Variants in GALNT13 observed in about 807,000 individuals in gnomAD.
GALNT13 encodes polypeptide N-acetylgalactosaminyltransferase 13, also known as UDP-GalNAc:polypeptide N-acetylgalactosaminyltransferase 13.
Under a neutral mutation model 64.2 loss-of-function variants are expected in GALNT13, and 28 were observed. The ratio of observed to expected loss-of-function variants is 0.44; its 90% CI spans 0.32 to 0.60. GALNT13 has a LOEUF of 0.60. GALNT13 is among the 20% of genes least tolerant of loss of function. The probability of loss-of-function intolerance (pLI) is 0.05; values close to 1 mark genes in which losing one functional copy is unlikely to be tolerated. For synonymous variants in GALNT13, 214 were observed against 224.6 expected, an observed-to-expected ratio of 0.95 and a Z score of 0.42; for missense variants, 577 against 669.8, an observed-to-expected ratio of 0.86 and a Z score of 1.53.
At chr2:154,299,752 C>T (rs953294207) in intron 8 of GALNT13, among the ~76,000 whole-genome samples, 1 of 151,928 alleles carries the variant, frequency 6.6e-6, no homozygotes, top group Admixed American at 6.6e-5. Context: ...CGTGAGCCAC[C>T]GCGCCCGGCC....
chr2:154,359,057 G>A (rs1696914980), intron 9 of GALNT13, among the ~76,000 whole-genome samples: 1 of 152,096 alleles, frequency 6.6e-6, no homozygotes, highest in Non-Finnish European at 1.5e-5. Context: ...TTGCAGGGCT[G>A]TCTTAATAAA....
intron 4 of GALNT13, among the ~76,000 whole-genome samples, chr2:154,159,270 G>A (rs1684599030): frequency 1.3e-5 from 2 of 152,074 alleles, no homozygotes; most frequent in South Asian, 4.1e-4. Context: ...AAGTAGCTGG[G>A]ATTACAGGCA....
At chr2:153,107,457 G>A in the GALNT13 span, among the ~76,000 whole-genome samples, 2 of 152,244 alleles carry the variant, frequency 1.3e-5, no homozygotes, top group East Asian at 3.9e-4. Flanking sequence ...TGTTCCTTAG[G>A]TGACTCTTTT....
the GALNT13 span, among the ~76,000 whole-genome samples, chr2:153,583,910 C>T: frequency 6.6e-6 from 1 of 152,290 alleles, no homozygotes; most frequent in East Asian, 1.9e-4. Flanking sequence ...CACCCACTTC[C>T]TCTGGGAACT....
chr2:154,163,781 G>C (rs1357948901), intron 4 of GALNT13, among the ~76,000 whole-genome samples: 1 of 152,172 alleles, frequency 6.6e-6, no homozygotes, highest in Non-Finnish European at 1.5e-5. Flanking sequence ...GGAGCACATA[G>C]AAATATCTGT....
intron 8 of GALNT13, among the ~76,000 whole-genome samples, chr2:154,281,767 TACAC>T (rs1691975074): frequency 6.6e-6 from 1 of 152,102 alleles, no homozygotes; most frequent in Non-Finnish European, 1.5e-5. Context: ...ATTCAGTCTA[TACAC>T]ACCTTTGCAT....
the GALNT13 span, among the ~76,000 whole-genome samples, chr2:153,513,010 AAAG>A: frequency 6.6e-6 from 1 of 152,228 alleles, no homozygotes; most frequent in Admixed American, 6.5e-5. Context: ...TATTCTGAGA[AAAG>A]AAATTGTAAA....
chr2:154,052,456 T>C (rs908399625), intron 3 of GALNT13, among the ~76,000 whole-genome samples: 1 of 152,206 alleles, frequency 6.6e-6, no homozygotes, highest in African/African-American at 2.4e-5. Flanking sequence ...TCATTTAGAT[T>C]TTTTTCTTCT....
intron 3 of GALNT13, among the ~76,000 whole-genome samples, chr2:154,120,800 T>G (rs1021926192): frequency 5.3e-5 from 8 of 152,194 alleles, no homozygotes. Flanking sequence ...TTAAGTGCAC[T>G]GAGAAGTTGA....
chr2:153,256,622 T>C, the GALNT13 span, among the ~76,000 whole-genome samples: 1 of 152,228 alleles, frequency 6.6e-6, no homozygotes, highest in Non-Finnish European at 1.5e-5. Context: ...TCTTTGAGGA[T>C]GGTGATGTAC....
At chr2:153,476,144 GA>G in the GALNT13 span, among the ~76,000 whole-genome samples, 1 of 152,046 alleles carries the variant, frequency 6.6e-6, no homozygotes, top group African/African-American at 2.4e-5. Flanking sequence ...ATATCCATTA[GA>G]ATTCAAAAAA....
At chr2:154,015,264 A>T (rs1366418920) in intron 3 of GALNT13, among the ~76,000 whole-genome samples, 1 of 152,190 alleles carries the variant, frequency 6.6e-6, no homozygotes, top group Non-Finnish European at 1.5e-5. Context: ...TGATTTAGTG[A>T]ATTTATTTTA....
At chr2:154,215,987 G>C (rs755751724) in intron 4 of GALNT13, among the ~76,000 whole-genome samples, 3 of 151,390 alleles carry the variant, frequency 2.0e-5, no homozygotes, top group Non-Finnish European at 4.4e-5. Flanking sequence ...TATGAAAAAA[G>C]ATTATATTTT....
intron 10 of GALNT13, among the ~76,000 whole-genome samples, chr2:154,400,189 T>C (rs540323027): frequency 6.6e-6 from 1 of 152,308 alleles, no homozygotes; most frequent in African/African-American, 2.4e-5. Context: ...CTGCCTGTTA[T>C]TAACCTTTAT....
At chr2:153,863,265 A>T in the GALNT13 span, among the ~76,000 whole-genome samples, 1 of 152,118 alleles carries the variant, frequency 6.6e-6, no homozygotes, top group African/African-American at 2.4e-5. Flanking sequence ...ATCCAATATG[A>T]TTCTTGGAAT....
chr2:153,921,626 A>G (rs893918318), intron 2 of GALNT13, among the ~76,000 whole-genome samples: 47 of 152,208 alleles, frequency 3.1e-4, no homozygotes, highest in African/African-American at 1.1e-3. Context: ...AGAAGTTATA[A>G]TAATAATAAA....
the GALNT13 span, among the ~76,000 whole-genome samples, chr2:153,588,913 A>G: frequency 5.9e-5 from 9 of 152,250 alleles, no homozygotes; most frequent in African/African-American, 2.2e-4. Flanking sequence ...AACGCCTGTA[A>G]TCCAGCACTT....
intron 6 of GALNT13, 83 bp downstream of exon 6, chr2:154,242,988 C>A: frequency 1.8e-6 from 2 of 1,133,756 alleles, no homozygotes; most frequent in Non-Finnish European, 2.5e-6. Context: ...ATTTCTCTTC[C>A]AAGTTGCTAT....
At chr2:153,528,955 C>T in the GALNT13 span, among the ~76,000 whole-genome samples, 1 of 151,688 alleles carries the variant, frequency 6.6e-6, no homozygotes, top group Non-Finnish European at 1.5e-5. Context: ...GCTATAAATA[C>T]TTACATCAAA....
Sources: gnomAD v4.1 joint callset for allele counts (sites outside exome capture counted in the v4.1 genomes callset) on GRCh38, gnomAD v4.1.1 for gene constraint, MANE v1.5 for transcripts, NCBI Gene and HGNC (gene_info 2026-07-23, HGNC 2026-07-21) for gene names.